FOXK1: variants seen among roughly 807,000 people sequenced by gnomAD.
FOXK1 encodes the protein forkhead box K1.
In FOXK1, 19 loss-of-function variants were observed where a neutral mutation model predicts 51.9. The observed-to-expected ratio is 0.37, with a 90% CI of 0.26 to 0.54. FOXK1 has a LOEUF of 0.54. Among genes scored for constraint, FOXK1 ranks in the 20% least tolerant of loss-of-function variants. The probability of loss-of-function intolerance (pLI) is 0.87; values close to 1 mark genes in which losing one functional copy is unlikely to be tolerated. For synonymous variants in FOXK1, 537 were observed against 482.6 expected, an observed-to-expected ratio of 1.11 and a Z score of -1.48; for missense variants, 870 against 1,032.7, an observed-to-expected ratio of 0.84 and a Z score of 2.16.
intron 2 of FOXK1, among the ~76,000 whole-genome samples, chr7:4,742,525 C>G (rs1303256889): frequency 6.6e-6 from 1 of 152,058 alleles, no homozygotes; most frequent in Non-Finnish European, 1.5e-5. Flanking sequence ...CAAGCGGTCT[C>G]CCCACCTCAG....
rs763189388 is a variant in FOXK1, at chr7:4,707,500, T to G, written c.560+24632T>G. On this transcript the variant is annotated intron_variant, in intron 1 of 8. Transcript: ENST00000328914. This position sits in a 1 kb window ranked among gnomAD's most constrained non-coding sequence, Gnocchi z 4.1. ...ATGGATAATTTCGCCTTGGTAGTGT[T>G]AAGATGTATTTAGCGACTCAAGTAT... Among the ~76,000 whole-genome samples, 3 of 152,192 alleles carry G rather than the reference T, an allele frequency of 2.0e-5. No homozygotes were observed. The highest frequency in any genetic ancestry group is 4.4e-5 in the Non-Finnish European group (3 of 68,036).
At position 4,739,589 on chromosome 7, in the gene FOXK1, C is replaced by G. The variant is rs545254357; in HGVS notation, c.561-1249C>G. Among the ~76,000 whole-genome samples, 40 of 152,260 alleles carry G rather than the reference C, an allele frequency of 2.6e-4. 1 individual carries two copies. In the South Asian group the frequency reaches 8.1e-3, roughly 31 times the overall value. ...CTGTTCACAGCACACTGGTGTTGAC[C>G]CTGACGCTTGCGGCTGGCTTTGTTT... is the stretch of plus-strand genomic sequence containing the variant. On this transcript the variant is annotated intron_variant, in intron 1 of 8. Transcript: ENST00000328914.
At position 4,733,297 on chromosome 7, in the gene FOXK1, G is replaced by A. The variant is rs142646054; in HGVS notation, c.561-7541G>A. ...TCCAACCTCATCCTCCCAGAGTGCT[G>A]GGATTATAGATGTAAGCCACCCTAC... is the stretch of plus-strand genomic sequence containing the variant. On this transcript the variant is annotated intron_variant, in intron 1 of 8. Coordinates refer to ENST00000328914, the MANE Select transcript of FOXK1 (RefSeq NM_001037165.2). This position sits in a 1 kb window ranked among gnomAD's most constrained non-coding sequence, Gnocchi z 5.0. 2.0e-5 allele frequency among the ~76,000 whole-genome samples: 3 copies of A among 152,120 alleles called. No homozygotes were observed. The highest frequency in any genetic ancestry group is 2.0e-4 in the Admixed American group (3 of 15,282).
intron 1 of FOXK1, among the ~76,000 whole-genome samples, chr7:4,692,972 T>C (rs144309662): frequency 9.9e-5 from 15 of 151,968 alleles, no homozygotes; most frequent in African/African-American, 3.6e-4. Flanking sequence ...CTCCTGGCCT[T>C]AAGTCATCCT....
Position 4,761,341 on chromosome 7 carries a change from G to A in FOXK1, c.1921+53G>A. 1 of 1,536,360 alleles carries A rather than the reference G, an allele frequency of 6.5e-7. No individual in the cohort carries two copies. Among genetic ancestry groups the A allele is most frequent in the Non-Finnish European group, 8.9e-7 (1 of 1,127,308 alleles). On this transcript the variant is annotated intron_variant, in intron 8 of 8. Coordinates refer to ENST00000328914, the MANE Select transcript of FOXK1 (RefSeq NM_001037165.2). This position sits in a 1 kb window ranked among gnomAD's most constrained non-coding sequence, Gnocchi z 6.2. ...CACATCCCAAGCTCTGTGGCTCCCA[G>A]TAGTCAGTGCGGCATGAGAATGTTC...
At chr7:4,752,871 G>C (rs1481244465) in intron 2 of FOXK1, among the ~76,000 whole-genome samples, 3 of 152,242 alleles carry the variant, frequency 2.0e-5, no homozygotes, top group African/African-American at 7.2e-5. Context: ...CTTTGACAAA[G>C]CCGATTTTGG....
rs1780519087 is a variant in FOXK1 at position 4,734,029 on chromosome 7, G to A, written c.561-6809G>A. On this transcript the variant is annotated intron_variant, in intron 1 of 8. Coordinates refer to ENST00000328914, the MANE Select transcript of FOXK1 (RefSeq NM_001037165.2). This position sits in a 1 kb window ranked among gnomAD's most constrained non-coding sequence, Gnocchi z 5.2. ...TGGGTGAAGCTTCACCTGGCGCAGG[G>A]AAGGCCATCAGACTTCCAGCTCGTC... 6.6e-6 allele frequency among the ~76,000 whole-genome samples: 1 copy of A among 152,188 alleles called. No individual in the cohort carries two copies. Among genetic ancestry groups the A allele is most frequent in the South Asian group, 2.1e-4 (1 of 4,822 alleles).
At position 4,704,834 on chromosome 7, in the gene FOXK1, C is replaced by CTTTTTTTTTTTTTTTT. The variant is rs775099211; in HGVS notation, c.560+21981_560+21982insTTTTTTTTTTTTTTTT. Among the ~76,000 whole-genome samples the CTTTTTTTTTTTTTTTT allele has an allele frequency of 1.9e-3, 255 of 131,356 alleles. 21 individuals are homozygous for CTTTTTTTTTTTTTTTT. Among genetic ancestry groups the CTTTTTTTTTTTTTTTT allele is most frequent in the African/African-American group, 7.6e-3 (237 of 31,044 alleles). 86.2% of individuals were successfully genotyped at this position (131,356 alleles called of 152,430 possible). On this transcript the variant is annotated intron_variant, in intron 1 of 8. Transcript: ENST00000328914. ...CTCCCAAACCAATCTATGTTTCATT[C>CTTTTTTTTTTTTTTTT]TTTTTTTTTTTTTTTGAGAAAAAGT...
intron 1 of FOXK1, among the ~76,000 whole-genome samples, chr7:4,740,051 T>C (rs781230675): frequency 1.5e-4 from 23 of 152,160 alleles, no homozygotes; most frequent in Non-Finnish European, 3.2e-4. Context: ...TCCCAGCAGT[T>C]TGGGAGGCTG....
intron 2 of FOXK1, among the ~76,000 whole-genome samples, chr7:4,744,924 C>G (rs542952733): frequency 1.3e-5 from 2 of 152,380 alleles, no homozygotes; most frequent in East Asian, 3.9e-4. Context: ...AAAAGCCTCT[C>G]TGTTTACATC....
At chr7:4,696,286 T>C (rs997758028) in intron 1 of FOXK1, among the ~76,000 whole-genome samples, 6 of 152,054 alleles carry the variant, frequency 3.9e-5, no homozygotes, top group African/African-American at 1.4e-4. Context: ...AGCTTGCTGA[T>C]GTAGGGGAAA....
intron 1 of FOXK1, among the ~76,000 whole-genome samples, chr7:4,727,492 A>T (rs1449452079): frequency 1.3e-5 from 2 of 150,936 alleles, no homozygotes; most frequent in East Asian, 2.0e-4. Context: ...GTTTTTATAT[A>T]TTTAGTAGAG....
Position 4,707,934 on chromosome 7 carries a change from C to T in FOXK1, c.560+25066C>T, listed in dbSNP as rs1466864502. ...CCTGCCCCAAGTGATCCACCCTCCTCAGCCTCCCAAAGTGCTGGGATTACA... is the reference window on the plus strand; with the variant it reads ...CCTGCCCCAAGTGATCCACCCTCCTTAGCCTCCCAAAGTGCTGGGATTACA... On this transcript the variant is annotated intron_variant, in intron 1 of 8. Coordinates refer to ENST00000328914, the MANE Select transcript of FOXK1 (RefSeq NM_001037165.2). The surrounding 1 kb of genome is among the most constrained non-coding windows in gnomAD (Gnocchi z 4.1). Among the ~76,000 whole-genome samples, 1 of 152,118 alleles carries T rather than the reference C, an allele frequency of 6.6e-6. No individual in the cohort carries two copies. The highest frequency in any genetic ancestry group is 1.5e-5 in the Non-Finnish European group (1 of 68,014).
intron 1 of FOXK1, among the ~76,000 whole-genome samples, chr7:4,704,902 G>C (rs923925551): frequency 1.3e-5 from 2 of 149,126 alleles, no homozygotes; most frequent in Admixed American, 1.3e-4. Context: ...CATGAACTCA[G>C]CTCACTGCAA....
intron 1 of FOXK1, among the ~76,000 whole-genome samples, chr7:4,716,955 A>C (rs1255892278): frequency 6.6e-6 from 1 of 151,272 alleles, no homozygotes. Flanking sequence ...TGGGAGGCGC[A>C]TGGCTGGGAG....
rs1417966072 is a variant in FOXK1 at position 4,707,710 on chromosome 7, ACTCT to A, written c.560+24848_560+24851del. On this transcript the variant is annotated intron_variant, in intron 1 of 8. Coordinates refer to ENST00000328914, the MANE Select transcript of FOXK1 (RefSeq NM_001037165.2). This position sits in a 1 kb window ranked among gnomAD's most constrained non-coding sequence, Gnocchi z 4.1. ...TTCACTTTTTTTTTTTTTGAGACGG[ACTCT>A]CTCTCCGTTGCCCAGGCTGGAGTGC... 7.1e-6 allele frequency among the ~76,000 whole-genome samples: 1 copy of A among 141,424 alleles called. No individual in the cohort carries two copies. Among genetic ancestry groups the A allele is most frequent in the East Asian group, 2.0e-4 (1 of 4,906 alleles). 92.8% of individuals were successfully genotyped at this position (141,424 alleles called of 152,430 possible).
At position 4,722,725 on chromosome 7, in the gene FOXK1, C is replaced by T. The variant is rs1178307080; in HGVS notation, c.561-18113C>T. Among the ~76,000 whole-genome samples the T allele has an allele frequency of 6.6e-6, 1 of 152,350 alleles. No individual in the cohort carries two copies. The highest frequency in any genetic ancestry group is 1.9e-4 in the East Asian group (1 of 5,172). On this transcript the variant is annotated intron_variant, in intron 1 of 8. Coordinates refer to ENST00000328914, the MANE Select transcript of FOXK1 (RefSeq NM_001037165.2). The surrounding 1 kb of genome is among the most constrained non-coding windows in gnomAD (Gnocchi z 5.1). ...CCACCTCAGATGCTCGGGTGCACAT[C>T]TGGGGAGAGTCAACCGCCCAGCATG...
rs1393401762 is a variant in FOXK1 at position 4,756,768 on chromosome 7, A to G, written c.1051-226A>G. Among the ~76,000 whole-genome samples, 1 of 151,888 alleles carries G rather than the reference A, an allele frequency of 6.6e-6. No homozygotes were observed. The highest frequency in any genetic ancestry group is 2.4e-5 in the African/African-American group (1 of 41,376). On this transcript the variant is annotated intron_variant, in intron 4 of 8. Coordinates refer to ENST00000328914, the MANE Select transcript of FOXK1 (RefSeq NM_001037165.2). The surrounding 1 kb of genome is among the most constrained non-coding windows in gnomAD (Gnocchi z 4.1). ...CGACAGAATGAGACTCCGTCAAAAAAAAAAAAAAGGTAAAATGGTAATTAT... is the reference window on the plus strand; with the variant it reads ...CGACAGAATGAGACTCCGTCAAAAAGAAAAAAAAGGTAAAATGGTAATTAT...
chr7:4,762,032 C>A lies in FOXK1; in HGVS notation c.1922-152C>A. On this transcript the variant is annotated intron_variant, in intron 8 of 8. Coordinates refer to ENST00000328914, the MANE Select transcript of FOXK1 (RefSeq NM_001037165.2). The surrounding 1 kb of genome is among the most constrained non-coding windows in gnomAD (Gnocchi z 5.7). ...GGTGGGGAGGGGACGGCAGGGCCCG[C>A]AGGGAGCAGAGCAAGGGTAGCCGTC... 1 of 887,144 alleles carries A rather than the reference C, an allele frequency of 1.1e-6. No individual in the cohort carries two copies. The highest frequency in any genetic ancestry group is 1.7e-6 in the Non-Finnish European group (1 of 594,722). 55.0% of individuals were successfully genotyped at this position (887,144 alleles called of 1,614,324 possible). A position where few individuals can be genotyped will look rare whatever the true frequency, so the allele number is the denominator to read the frequency against.
Sources: allele counts gnomAD v4.1 joint callset (sites outside exome capture counted in the v4.1 genomes callset), GRCh38; gene constraint gnomAD v4.1.1; non-coding constraint Gnocchi (gnomAD v3.1); transcripts MANE v1.5; gene names NCBI Gene and HGNC (gene_info 2026-07-23, HGNC 2026-07-21).